PLPP3: variants seen among roughly 807,000 people sequenced by gnomAD.
PLPP3 encodes PAP2 beta.
A neutral mutation model predicts 29.6 loss-of-function variants in PLPP3; 6 were observed. The observed-to-expected ratio is 0.20, with a 90% CI of 0.11 to 0.40. PLPP3 has a LOEUF of 0.40. PLPP3 is among the 10% of genes least tolerant of loss of function. The pLI, the probability that PLPP3 is intolerant of heterozygous loss-of-function variation, is 1.00. For missense variants in PLPP3, 308 were observed against 407.7 expected, an observed-to-expected ratio of 0.76 and a Z score of 2.11; for synonymous variants, 152 against 159.7, an observed-to-expected ratio of 0.95 and a Z score of 0.36.
chr1:56,499,677 A>G (rs148190940), intron 5 of PLPP3, among the ~76,000 whole-genome samples: 1 of 152,288 alleles, frequency 6.6e-6, no homozygotes, highest in East Asian at 1.9e-4. Flanking sequence ...GCTGTATTTC[A>G]CTTTCAGCAT....
chr1:56,561,897 T>C lies in PLPP3; in HGVS notation c.139+16981A>G, dbSNP rs548142878. Among the ~76,000 whole-genome samples, 18 of 151,458 alleles carry C rather than the reference T, an allele frequency of 1.2e-4. 1 individual carries two copies. Among genetic ancestry groups the C allele is most frequent in the East Asian group, 1.2e-3 (6 of 5,148 alleles). On this transcript the variant is annotated intron_variant, in intron 1 of 5. Transcript: ENST00000371250. ...TAAAAATAAAAAAATTAGCCGGGCA[T>C]GGTAGCACACGCCTGTAATCCCAGC...
intron 1 of PLPP3, among the ~76,000 whole-genome samples, chr1:56,571,549 G>C (rs536577112): frequency 6.6e-6 from 1 of 152,206 alleles, no homozygotes; most frequent in African/African-American, 2.4e-5. Flanking sequence ...AAATCTCCAA[G>C]GTACTTCCAA....
At chr1:56,512,404 G>T in intron 4 of PLPP3, 1 of 390,302 alleles carries the variant, frequency 2.6e-6, no homozygotes, top group Non-Finnish European at 4.6e-6. Context: ...CTGAGGTCAG[G>T]TGTTTGAGAC....
chr1:56,514,210 C>T (rs1367796358), intron 4 of PLPP3, among the ~76,000 whole-genome samples: 1 of 151,562 alleles, frequency 6.6e-6, no homozygotes, highest in East Asian at 1.9e-4. Flanking sequence ...TTTATAGGAG[C>T]TATGAAAGAA....
chr1:56,539,764 T>C (rs1056770317), intron 1 of PLPP3, among the ~76,000 whole-genome samples: 1 of 152,212 alleles, frequency 6.6e-6, no homozygotes, highest in African/African-American at 2.4e-5. Flanking sequence ...ACCATCTTCA[T>C]GCCACTGCCT....
chr1:56,527,930 T>C (rs17429642), intron 2 of PLPP3, among the ~76,000 whole-genome samples: 9,459 of 152,206 alleles, frequency 0.062, 404 homozygotes, highest in Admixed American at 0.14. Context: ...ACTCACAATG[T>C]TTTTATTCCT....
intron 1 of PLPP3, among the ~76,000 whole-genome samples, chr1:56,577,909 AC>A (rs1193113305): frequency 6.6e-6 from 1 of 151,174 alleles, no homozygotes; most frequent in African/African-American, 2.4e-5. Flanking sequence ...GTTTTCCATT[AC>A]ACCATGATTC....
intron 4 of PLPP3, among the ~76,000 whole-genome samples, chr1:56,518,703 T>C (rs927438345): frequency 1.8e-5 from 2 of 113,534 alleles, no homozygotes; most frequent in Non-Finnish European, 3.9e-5. Flanking sequence ...ATTTACAGCC[T>C]TTTTTAATCA....
intron 1 of PLPP3, among the ~76,000 whole-genome samples, chr1:56,540,750 A>G (rs773154480): frequency 1.3e-5 from 2 of 152,150 alleles, no homozygotes; most frequent in Non-Finnish European, 2.9e-5. Context: ...TGATCCAGGA[A>G]GAGTAACCAC....
chr1:56,578,965 C>A lies in PLPP3; in HGVS notation c.52G>T (p.Gly18Cys). ...KAIVPESKNG[G>C]SPALNNNPRR... ...GGGTTGTTGTTGAGCGCCGGGCTGC[C>A]GCCGTTCTTGCTCTCCGGGACGATC... Residue 18 changes from glycine to cysteine, a missense_variant, in exon 1 of 6, where the codon GGC becomes TGC. By Grantham distance (159) the Gly-to-Cys change is radical. Coordinates refer to ENST00000371250, the MANE Select transcript of PLPP3 (RefSeq NM_003713.5). The A allele has an allele frequency of 6.2e-6, 10 of 1,602,514 alleles. No individual in the cohort carries two copies. Among genetic ancestry groups the A allele is most frequent in the Non-Finnish European group, 8.5e-6 (10 of 1,175,482 alleles).
intron 1 of PLPP3, among the ~76,000 whole-genome samples, chr1:56,548,123 C>CA (rs1646017312): frequency 3.9e-5 from 6 of 152,160 alleles, no homozygotes; most frequent in Admixed American, 3.9e-4. Flanking sequence ...CAAGGACTGT[C>CA]ACTTGCATTG....
At position 56,524,501 on chromosome 1, in the gene PLPP3, C is replaced by T. The variant is rs201168992; in HGVS notation, c.351G>A (p.Thr117=). The stretch of plus-strand genomic sequence containing the variant: ...GTGCTGCCACGTAGGGGTTCTGAAT[C>T]GTCGACCGCGACTTCTTCAGGTAAT... The part of the protein sequence containing the change: ...RIYYLKKSRS[T]IQNPYVAALY... Residue 117 remains threonine, a synonymous_variant, in exon 3 of 6, where the codon ACG becomes ACA. Coordinates refer to ENST00000371250, the MANE Select transcript of PLPP3 (RefSeq NM_003713.5). This position sits in a 1 kb window ranked among gnomAD's most constrained non-coding sequence, Gnocchi z 4.3. 19 of 1,612,986 alleles carry T rather than the reference C, an allele frequency of 1.2e-5. No homozygotes were observed. The highest frequency in any genetic ancestry group is 9.3e-5 in the African/African-American group (7 of 74,906).
chr1:56,574,459 T>TGC (rs1646221871), intron 1 of PLPP3, among the ~76,000 whole-genome samples: 1 of 151,998 alleles, frequency 6.6e-6, no homozygotes, highest in Middle Eastern at 3.2e-3. Flanking sequence ...CTCACTATAT[T>TGC]GCCCAAGCTG....
intron 2 of PLPP3, among the ~76,000 whole-genome samples, chr1:56,530,397 T>C (rs1026911021): frequency 6.6e-6 from 1 of 152,196 alleles, no homozygotes; most frequent in Non-Finnish European, 1.5e-5. Context: ...CCAATTCCAA[T>C]CTTCTGCTAA....
In PLPP3 at chr1:56,516,470, G is replaced by A. The variant is rs183612549; in HGVS notation, c.634-4318C>T. On this transcript the variant is annotated intron_variant, in intron 4 of 5. Coordinates refer to ENST00000371250, the MANE Select transcript of PLPP3 (RefSeq NM_003713.5). ...ACTTTCCCAGATCAGAATACCCAGA[G>A]GGGCTTTAGTAAAGTCCTAGGTGCC... Among the ~76,000 whole-genome samples the A allele has an allele frequency of 2.6e-5, 4 of 152,306 alleles. No homozygotes were observed. The East Asian group carries it at 7.7e-4, about 29-fold the overall frequency.
intron 1 of PLPP3, among the ~76,000 whole-genome samples, chr1:56,571,172 C>G (rs2100308828): frequency 6.6e-6 from 1 of 152,338 alleles, no homozygotes. Flanking sequence ...TTCACTGTCA[C>G]TGGACAATTA....
rs199699327 is a variant in PLPP3 at position 56,536,994 on chromosome 1, A to C, written c.258T>G (p.Ala86=). 2 of 1,613,826 alleles carry C rather than the reference A, an allele frequency of 1.2e-6. No homozygotes were observed. Among genetic ancestry groups the C allele is most frequent in the African/African-American group, 2.7e-5 (2 of 74,984 alleles). Residue 86 remains alanine, a synonymous_variant, in exon 2 of 6, where the codon GCT becomes GCG. Transcript: ENST00000371250. ...TGACGATCCCCACGGCACAGAGCAC[A>C]GCGTCATTTATTGTCTCACCAGTTT... is the stretch of plus-strand genomic sequence containing the variant. ...PLKTGETIND[A]VLCAVGIVIA...
chr1:56,557,269 T>C (rs1204291049), intron 1 of PLPP3, among the ~76,000 whole-genome samples: 1 of 150,980 alleles, frequency 6.6e-6, no homozygotes, highest in African/African-American at 2.4e-5. Context: ...CCCCAGCTAC[T>C]CGGGAGGTTG....
At chr1:56,540,825 G>A (rs1304253268) in intron 1 of PLPP3, among the ~76,000 whole-genome samples, 1 of 152,124 alleles carries the variant, frequency 6.6e-6, no homozygotes, top group Non-Finnish European at 1.5e-5. Context: ...GTCCAACTAG[G>A]CAACTAGGCA....
Sources: gnomAD v4.1 joint callset for allele counts (sites outside exome capture counted in the v4.1 genomes callset) on GRCh38, gnomAD v4.1.1 for gene constraint, Gnocchi (gnomAD v3.1) non-coding constraint, MANE v1.5 for transcripts, NCBI Gene and HGNC (gene_info 2026-07-23, HGNC 2026-07-21) for gene names.